Variants in CSMD1 observed in about 807,000 individuals in gnomAD.
CSMD1 encodes CUB and Sushi multiple domains 1, also known as CUB and sushi domain-containing protein 1.
A neutral mutation model predicts 417.5 loss-of-function variants in CSMD1; 213 were observed. The observed-to-expected ratio is 0.51, with a 90% CI of 0.46 to 0.57. The LOEUF is 0.57. Ranked by LOEUF, CSMD1 falls within the 20% of genes least tolerant of loss-of-function variation. The probability of loss-of-function intolerance (pLI) is 0.00; values close to 1 mark genes in which losing one functional copy is unlikely to be tolerated. For missense variants in CSMD1, 6,923 were observed against 4,529.7 expected, an observed-to-expected ratio of 1.53 and a Z score of -15.17; for synonymous variants, 2,862 against 1,736.8, an observed-to-expected ratio of 1.65 and a Z score of -16.11.
intron 3 of CSMD1, among the ~76,000 whole-genome samples, chr8:4,259,741 A>G (rs138032787): frequency 1.6e-3 from 242 of 152,224 alleles, no homozygotes; most frequent in African/African-American, 5.5e-3. Context: ...ACACATACAC[A>G]TGTATTTCAT....
intron 49 of CSMD1, among the ~76,000 whole-genome samples, chr8:3,055,294 C>T (rs1341813709): frequency 6.6e-6 from 1 of 152,134 alleles, no homozygotes; most frequent in Non-Finnish European, 1.5e-5. Flanking sequence ...CTTAAGACAA[C>T]CCATTTTATG....
intron 1 of CSMD1, among the ~76,000 whole-genome samples, chr8:4,966,337 C>T (rs1034915779): frequency 2.0e-5 from 3 of 152,092 alleles, no homozygotes; most frequent in Admixed American, 6.6e-5. Flanking sequence ...CAAGATCACA[C>T]CATTGCACTC....
chr8:4,405,134 C>G (rs1170220641), intron 3 of CSMD1, among the ~76,000 whole-genome samples: 1 of 152,202 alleles, frequency 6.6e-6, no homozygotes, highest in Non-Finnish European at 1.5e-5. Context: ...TTGGTTATTT[C>G]ACATAGGAGA....
intron 10 of CSMD1, among the ~76,000 whole-genome samples, chr8:3,498,844 A>G (rs28856028): frequency 0.1 from 15,531 of 152,016 alleles, 838 homozygotes; most frequent in East Asian, 0.16. Context: ...ACTTCTGCTT[A>G]GTTCTTTTTG....
At chr8:3,535,011 A>G (rs186089011) in intron 10 of CSMD1, among the ~76,000 whole-genome samples, 2 of 152,194 alleles carry the variant, frequency 1.3e-5, no homozygotes, top group Non-Finnish European at 2.9e-5. Flanking sequence ...GCAGTGGTGC[A>G]ATCAGAACTC....
At chr8:4,109,215 C>T (rs1003937336) in intron 3 of CSMD1, among the ~76,000 whole-genome samples, 2 of 152,032 alleles carry the variant, frequency 1.3e-5, no homozygotes, top group African/African-American at 4.8e-5. Flanking sequence ...TGAATATTTT[C>T]GGTATAGACA....
chr8:4,370,939 T>C (rs570699322), intron 3 of CSMD1, among the ~76,000 whole-genome samples: 1 of 152,316 alleles, frequency 6.6e-6, no homozygotes, highest in Admixed American at 6.5e-5. Flanking sequence ...GCCATTTCAG[T>C]CTGGTTTGAA....
At chr8:4,184,268 C>T (rs958716615) in intron 3 of CSMD1, among the ~76,000 whole-genome samples, 1 of 152,138 alleles carries the variant, frequency 6.6e-6, no homozygotes, top group East Asian at 1.9e-4. Flanking sequence ...CCCATATGCT[C>T]ATTTATAATC....
At chr8:4,351,144 T>A (rs1347094204) in intron 3 of CSMD1, among the ~76,000 whole-genome samples, 1 of 150,354 alleles carries the variant, frequency 6.7e-6, no homozygotes, top group Non-Finnish European at 1.5e-5. Flanking sequence ...CATAGCAAGG[T>A]CCCATCTCTA....
intron 9 of CSMD1, 31 bp from the exon 10 acceptor site, chr8:3,575,097 T>C: frequency 6.2e-7 from 1 of 1,608,384 alleles, no homozygotes; most frequent in Non-Finnish European, 8.5e-7. Flanking sequence ...CGTTATTTTC[T>C]ACAACATTGT....
At chr8:3,392,035 T>C (rs992256396) in intron 17 of CSMD1, among the ~76,000 whole-genome samples, 10 of 142,924 alleles carry the variant, frequency 7.0e-5, no homozygotes, top group African/African-American at 2.6e-4. Flanking sequence ...ATGTTCTCAC[T>C]CATAGGTGGG....
At chr8:3,896,296 G>C (rs1183726269) in intron 5 of CSMD1, among the ~76,000 whole-genome samples, 2 of 151,990 alleles carry the variant, frequency 1.3e-5, no homozygotes, top group African/African-American at 4.8e-5. Flanking sequence ...CATCGCCTTG[G>C]GAAAAATGCA....
At chr8:4,372,642 A>G (rs1325093359) in intron 3 of CSMD1, among the ~76,000 whole-genome samples, 3 of 152,074 alleles carry the variant, frequency 2.0e-5, no homozygotes, top group South Asian at 4.1e-4. Context: ...AAAAAAAAAA[A>G]AAAAAATCAC....
chr8:3,324,090 GT>G (rs1264807713), intron 23 of CSMD1, among the ~76,000 whole-genome samples: 1 of 142,542 alleles, frequency 7.0e-6, no homozygotes, highest in Non-Finnish European at 1.5e-5. Context: ...AGAGACCCAG[GT>G]GGGGGAGTTT....
At chr8:4,617,013 A>G (rs994006972) in intron 2 of CSMD1, among the ~76,000 whole-genome samples, 31 of 152,188 alleles carry the variant, frequency 2.0e-4, no homozygotes, top group African/African-American at 7.5e-4. Flanking sequence ...AGTGATTTCT[A>G]ACATGTTTCT....
intron 55 of CSMD1, among the ~76,000 whole-genome samples, chr8:2,974,939 A>G (rs894991425): frequency 5.3e-5 from 8 of 152,200 alleles, no homozygotes; most frequent in Admixed American, 1.3e-4. Context: ...ACCCTTAACT[A>G]TATTCCAAAT....
intron 7 of CSMD1, among the ~76,000 whole-genome samples, chr8:3,691,259 T>G (rs1461209136): frequency 4.0e-5 from 6 of 151,794 alleles, no homozygotes; most frequent in African/African-American, 1.5e-4. Flanking sequence ...TCCCAGCTAC[T>G]CAGGAGGCTG....
rs75836882 is a variant in CSMD1, at chr8:3,433,607, G to C, written c.1562-24002C>G. Reference sequence around the variant, plus strand: ...ACGTGCCACACTCTAGTGCTGACGAGGGCATCTTCTTTATGTCTTGGCCCA... The same window carrying C: ...ACGTGCCACACTCTAGTGCTGACGACGGCATCTTCTTTATGTCTTGGCCCA... On this transcript the variant is annotated intron_variant, in intron 12 of 69. Transcript: ENST00000635120. Among the ~76,000 whole-genome samples the C allele has an allele frequency of 2.2e-3, 328 of 152,204 alleles. 10 individuals are homozygous for C. The East Asian group carries it at 0.057, about 27-fold the overall frequency.
At chr8:4,800,132 G>A (rs1182145174) in intron 1 of CSMD1, among the ~76,000 whole-genome samples, 2 of 151,868 alleles carry the variant, frequency 1.3e-5, no homozygotes, top group Admixed American at 6.6e-5. Flanking sequence ...CTATATAATT[G>A]TTATTAATAC....
Sources: gnomAD v4.1 joint callset for allele counts (sites outside exome capture counted in the v4.1 genomes callset) on GRCh38, gnomAD v4.1.1 for gene constraint, MANE v1.5 for transcripts, NCBI Gene and HGNC (gene_info 2026-07-23, HGNC 2026-07-21) for gene names.